FMNL2: variants seen among roughly 807,000 people sequenced by gnomAD.
FMNL2 encodes the protein formin like 2.
In FMNL2, 51 loss-of-function variants were observed where a neutral mutation model predicts 130.2. The observed-to-expected ratio is 0.39, with a 90% CI of 0.31 to 0.49. The LOEUF (loss-of-function observed/expected upper bound fraction) is 0.49. Ranked by LOEUF, FMNL2 falls within the 20% of genes least tolerant of loss-of-function variation. FMNL2 has a pLI of 0.85. For synonymous variants in FMNL2, 465 were observed against 467.1 expected (o/e 1.00, Z 0.06); for missense variants, 977 against 1,316.2 (o/e 0.74, Z 3.99).
At chr2:152,625,327 C>G in intron 15 of FMNL2, 111 bp from the exon 16 acceptor site, 3 of 1,339,416 alleles carry the variant, frequency 2.2e-6, no homozygotes, top group Non-Finnish European at 3.0e-6. Context: ...GCGCCTCTTG[C>G]CAACCTTCCT....
chr2:152,339,265 CTT>C lies in FMNL2; in HGVS notation c.117+3546_117+3547del, dbSNP rs1422072792. Among the ~76,000 whole-genome samples the C allele has an allele frequency of 8.8e-3, 983 of 111,874 alleles. 12 individuals are homozygous for C. The highest frequency in any genetic ancestry group is 0.024 in the African/African-American group (915 of 37,764). 73.4% of individuals were successfully genotyped at this position (111,874 alleles called of 152,430 possible). ...TGTGTGGCCCAAGACAATTCTTCTT[CTT>C]CCAAGTGTGGCCCAGGGAAGCCAAA... On this transcript the variant is annotated intron_variant, in intron 1 of 25. Coordinates refer to ENST00000288670, the MANE Select transcript of FMNL2 (RefSeq NM_052905.4).
chr2:152,637,221 T>G (rs2105954236), intron 22 of FMNL2, among the ~76,000 whole-genome samples: 1 of 152,248 alleles, frequency 6.6e-6, no homozygotes, highest in Non-Finnish European at 1.5e-5. Context: ...ACCTTGTTGG[T>G]TTTAAGGGGT....
intron 1 of FMNL2, among the ~76,000 whole-genome samples, chr2:152,439,694 C>G (rs942108129): frequency 2.0e-5 from 3 of 151,386 alleles, no homozygotes; most frequent in African/African-American, 4.9e-5. Flanking sequence ...TCTCTTTGAT[C>G]CTGAAGACAT....
chr2:152,423,094 A>T (rs908930674), intron 1 of FMNL2, among the ~76,000 whole-genome samples: 1 of 152,174 alleles, frequency 6.6e-6, no homozygotes, highest in Admixed American at 6.5e-5. Context: ...GGTACATGAG[A>T]TGTTTTGGTA....
intron 1 of FMNL2, among the ~76,000 whole-genome samples, chr2:152,363,278 C>T (rs1183980105): frequency 6.6e-6 from 1 of 152,154 alleles, no homozygotes. Context: ...CCTTTTGTTT[C>T]AAGTTTCTAG....
At chr2:152,505,488 T>C (rs1461718222) in intron 1 of FMNL2, among the ~76,000 whole-genome samples, 1 of 152,234 alleles carries the variant, frequency 6.6e-6, no homozygotes, top group Non-Finnish European at 1.5e-5. Context: ...ATATTTTCTT[T>C]ACTCATTTCT....
intron 1 of FMNL2, among the ~76,000 whole-genome samples, chr2:152,515,669 A>G (rs529614763): frequency 6.6e-6 from 1 of 152,208 alleles, no homozygotes; most frequent in South Asian, 2.1e-4. Flanking sequence ...TTTGCCACCT[A>G]CCTCATGCAT....
intron 1 of FMNL2, among the ~76,000 whole-genome samples, chr2:152,515,357 G>A (rs1243604156): frequency 6.6e-6 from 1 of 152,066 alleles, no homozygotes; most frequent in Non-Finnish European, 1.5e-5. Context: ...ATTTGGCAGA[G>A]TTTATTAAGT....
intron 1 of FMNL2, among the ~76,000 whole-genome samples, chr2:152,490,569 ATG>A (rs58838989): frequency 0.077 from 8,388 of 108,338 alleles, 370 homozygotes; most frequent in East Asian, 0.25. Context: ...TTGCTATCCA[ATG>A]TGTGTGTGTG....
rs534724049 is a variant in FMNL2 at position 152,383,035 on chromosome 2, A to G, written c.117+47315A>G. Among the ~76,000 whole-genome samples, 16 of 152,298 alleles carry G rather than the reference A, an allele frequency of 1.1e-4. No individual in the cohort carries two copies. In the South Asian group the frequency reaches 2.7e-3, roughly 26 times the overall value. On this transcript the variant is annotated intron_variant, in intron 1 of 25. Coordinates refer to ENST00000288670, the MANE Select transcript of FMNL2 (RefSeq NM_052905.4). Reference sequence around the variant, plus strand: ...GTGCTGCAAATGGAGAACACATACAATTATGTTCAGTATATAATACTTGAT... The same window carrying G: ...GTGCTGCAAATGGAGAACACATACAGTTATGTTCAGTATATAATACTTGAT...
chr2:152,463,598 T>A (rs1689366405), intron 1 of FMNL2, among the ~76,000 whole-genome samples: 1 of 152,192 alleles, frequency 6.6e-6, no homozygotes, highest in South Asian at 2.1e-4. Flanking sequence ...CTCTTAGACT[T>A]GTAATAGATG....
chr2:152,463,587 CCTCT>C (rs1689366090), intron 1 of FMNL2, among the ~76,000 whole-genome samples: 1 of 152,114 alleles, frequency 6.6e-6, no homozygotes, highest in Non-Finnish European at 1.5e-5. Context: ...TTGAAGTTCC[CCTCT>C]TAGACTTGTA....
chr2:152,411,531 C>T (rs1301620849), intron 1 of FMNL2, among the ~76,000 whole-genome samples: 2 of 152,202 alleles, frequency 1.3e-5, no homozygotes, highest in African/African-American at 4.8e-5. Context: ...CCTCCCATCT[C>T]CTTCCTAAGA....
intron 1 of FMNL2, among the ~76,000 whole-genome samples, chr2:152,503,353 C>T (rs569890774): frequency 2.0e-5 from 3 of 152,038 alleles, no homozygotes; most frequent in Non-Finnish European, 4.4e-5. Flanking sequence ...TGATCCTGAC[C>T]TATTATAGGA....
In FMNL2 at chr2:152,626,588, C is replaced by T. The variant is rs776268349; in HGVS notation, c.2026C>T (p.Leu676Phe). The stretch of plus-strand genomic sequence containing the variant: ...AAAAGCCCAAGGACCTGCCATTGAT[C>T]TTTCTTCAAGCAAACAGAAGATACC... Reference protein sequence around the residue: ...KTKAQGPAIDLSSSKQKIPQK... With the variant: ...KTKAQGPAIDFSSSKQKIPQK... The change falls in exon 17 of 26, where the codon CTT becomes TTT. Residue 676 changes from leucine (L) to phenylalanine (F), a missense_variant. Physicochemically the swap from Leu to Phe is conservative, Grantham distance 22. Around this residue, in one of 4 missense-constraint regions of FMNL2, gnomAD observed 689 missense variants for 995.9 expected, o/e 0.69. Coordinates refer to ENST00000288670, the MANE Select transcript of FMNL2 (RefSeq NM_052905.4). 3 of 1,612,492 alleles carry T rather than the reference C, an allele frequency of 1.9e-6. No individual in the cohort carries two copies. Among genetic ancestry groups the T allele is most frequent in the Non-Finnish European group, 2.5e-6 (3 of 1,179,266 alleles).
intron 10 of FMNL2, among the ~76,000 whole-genome samples, chr2:152,610,795 TGTA>T (rs1698633677): frequency 6.6e-6 from 1 of 152,252 alleles, no homozygotes; most frequent in African/African-American, 2.4e-5. Flanking sequence ...TTCTCTTAAC[TGTA>T]TATCTAGAAG....
At chr2:152,348,945 C>T (rs1682303199) in intron 1 of FMNL2, among the ~76,000 whole-genome samples, 1 of 141,418 alleles carries the variant, frequency 7.1e-6, no homozygotes, top group Non-Finnish European at 1.5e-5. Flanking sequence ...CGCCATTCTC[C>T]TGCCTCAGCC....
chr2:152,429,335 G>A (rs368308664), intron 1 of FMNL2, among the ~76,000 whole-genome samples: 15 of 152,044 alleles, frequency 9.9e-5, no homozygotes, highest in East Asian at 7.7e-4. Flanking sequence ...CTTACATTGT[G>A]TGTAAACTCT....
intron 6 of FMNL2, among the ~76,000 whole-genome samples, chr2:152,564,899 C>T (rs1236812991): frequency 1.4e-5 from 2 of 147,924 alleles, no homozygotes; most frequent in Non-Finnish European, 3.0e-5. Context: ...CATAACATAC[C>T]CCTTGAGTCA....
Sources: gnomAD v4.1 joint callset for allele counts (sites outside exome capture counted in the v4.1 genomes callset) on GRCh38, gnomAD v4.1.1 for gene constraint, gnomAD v4.1.1 regional missense constraint, MANE v1.5 for transcripts, NCBI Gene and HGNC (gene_info 2026-07-23, HGNC 2026-07-21) for gene names.